Variants in MACF1 observed in about 807,000 individuals in gnomAD.
MACF1 encodes microtubule actin crosslinking factor 1, also known as microtubule-actin cross-linking factor 1.
MACF1 carries 193 observed loss-of-function variants against 854.8 expected under a neutral mutation model. That is an observed-to-expected ratio of 0.23 (90% CI 0.20 to 0.25). The LOEUF (loss-of-function observed/expected upper bound fraction) is 0.25. MACF1 is among the 10% of genes least tolerant of loss of function. MACF1 has a pLI of 1.00. For synonymous variants in MACF1, 3,185 were observed against 3,226.7 expected (o/e 0.99, Z 0.44); for missense variants, 7,722 against 8,929.1 (o/e 0.86, Z 5.45).
chr1:39,431,877 G>A (rs1038485803), intron 66 of MACF1, among the ~76,000 whole-genome samples: 8 of 152,098 alleles, frequency 5.3e-5, no homozygotes, highest in African/African-American at 1.9e-4. Flanking sequence ...TAGAGAGGCT[G>A]AGGTGAAAGG....
At chr1:39,482,447 A>G (rs1218887081) in intron 99 of MACF1, among the ~76,000 whole-genome samples, 1 of 152,222 alleles carries the variant, frequency 6.6e-6, no homozygotes, top group East Asian at 1.9e-4. Context: ...TACATAATTG[A>G]TTTCAAAGAA....
intron 2 of MACF1, among the ~76,000 whole-genome samples, chr1:39,179,322 C>T (rs1326279819): frequency 6.6e-6 from 1 of 152,182 alleles, no homozygotes; most frequent in Admixed American, 6.5e-5. Context: ...TCTGCATCTT[C>T]TGTTTCTGGA....
At chr1:39,389,223 G>A (rs1641928141) in intron 58 of MACF1, among the ~76,000 whole-genome samples, 1 of 151,662 alleles carries the variant, frequency 6.6e-6, no homozygotes, top group South Asian at 2.1e-4. Context: ...AACCAATTAA[G>A]GATATAGAAA....
At chr1:39,258,571 G>A (rs1008639204) in intron 6 of MACF1, among the ~76,000 whole-genome samples, 3 of 152,170 alleles carry the variant, frequency 2.0e-5, no homozygotes, top group African/African-American at 7.2e-5. Flanking sequence ...ATGGTCACAT[G>A]GCCTTCCTCT....
At chr1:39,366,560 C>A (rs1156285708) in intron 49 of MACF1, among the ~76,000 whole-genome samples, 1 of 151,882 alleles carries the variant, frequency 6.6e-6, no homozygotes, top group African/African-American at 2.4e-5. Context: ...TAAGATTGAG[C>A]CTTTTGTGTT....
intron 58 of MACF1, among the ~76,000 whole-genome samples, chr1:39,389,414 C>G (rs2148571688): frequency 8.1e-6 from 1 of 123,792 alleles, no homozygotes; most frequent in African/African-American, 3.1e-5. Context: ...GGTTGGAGTG[C>G]AGTGGGGCGA....
intron 6 of MACF1, among the ~76,000 whole-genome samples, chr1:39,277,894 G>A (rs901419618): frequency 5.3e-5 from 8 of 152,192 alleles, no homozygotes; most frequent in Non-Finnish European, 1.0e-4. Flanking sequence ...GTATAAGTAA[G>A]TGGTGTGTCT....
intron 1 of MACF1, among the ~76,000 whole-genome samples, chr1:39,220,197 A>T (rs541659758): frequency 6.6e-5 from 10 of 152,164 alleles, no homozygotes; most frequent in Admixed American, 3.3e-4. Flanking sequence ...TTTTTTTGAG[A>T]TGGAGTCTTG....
intron 72 of MACF1, among the ~76,000 whole-genome samples, chr1:39,440,205 CG>C (rs956029258): frequency 1.3e-5 from 2 of 148,508 alleles, no homozygotes; most frequent in African/African-American, 2.5e-5. Flanking sequence ...ATCCACCTCC[CG>C]GGCTCAAGCA....
Position 39,484,612 on chromosome 1 carries a change from A to G in MACF1, c.22293A>G (p.Ser7431=). The change falls in exon 100 of 101, where the codon TCA becomes TCG. Residue 7431 remains serine, a synonymous_variant. Transcript: ENST00000564288. The part of the protein sequence containing the change: ...LQLPTPEVIP[S]SGSKLKRPTP... ...TTATTTTTTTTAAGGTTATCCCATC[A>G]TCAGGTAGCAAGTTGAAACGACCAA... 6.2e-7 allele frequency: 1 copy of G among 1,613,586 alleles called. No individual in the cohort carries two copies.
chr1:39,172,967 C>A (rs72924813), intron 2 of MACF1, among the ~76,000 whole-genome samples: 169 of 152,332 alleles, frequency 1.1e-3, no homozygotes, highest in African/African-American at 4.0e-3. Context: ...CTTTTAATTT[C>A]TCTCTACCTT....
intron 2 of MACF1, among the ~76,000 whole-genome samples, chr1:39,234,310 C>T (rs979847119): frequency 1.3e-5 from 2 of 151,954 alleles, no homozygotes; most frequent in Admixed American, 1.3e-4. Flanking sequence ...TTGGGCACAC[C>T]TCCCAGACGG....
intron 74 of MACF1, 21 bp downstream of exon 74, chr1:39,441,346 C>T (rs927629570): frequency 3.6e-5 from 57 of 1,585,538 alleles, no homozygotes; most frequent in Non-Finnish European, 4.8e-5. Context: ...AGGAGGTGAC[C>T]ACCAAGGAAA....
At chr1:39,099,112 G>C (rs1027917937) in intron 2 of MACF1, among the ~76,000 whole-genome samples, 2 of 152,208 alleles carry the variant, frequency 1.3e-5, no homozygotes, top group Admixed American at 1.3e-4. Context: ...GAGGAATGGA[G>C]AGAATATGTG....
At chr1:39,169,778 T>C (rs867576929) in intron 2 of MACF1, among the ~76,000 whole-genome samples, 3,185 of 144,534 alleles carry the variant, frequency 0.022, 53 homozygotes, top group East Asian at 0.12. Context: ...TCTTTCTTTT[T>C]TTTTTTTTTT....
At chr1:39,411,317 C>G in intron 58 of MACF1, 1 of 1,613,984 alleles carries the variant, frequency 6.2e-7, no homozygotes, top group Non-Finnish European at 8.5e-7. Flanking sequence ...TTTCTGATGG[C>G]AGATGAGAAG....
intron 2 of MACF1, among the ~76,000 whole-genome samples, chr1:39,085,819 A>AC (rs1474077992): frequency 6.6e-6 from 1 of 151,720 alleles, no homozygotes; most frequent in African/African-American, 2.4e-5. Context: ...CACCACCTCT[A>AC]CCCCCAATCA....
chr1:39,474,523 C>G (rs1644838729), intron 97 of MACF1, among the ~76,000 whole-genome samples: 1 of 152,108 alleles, frequency 6.6e-6, no homozygotes, highest in Non-Finnish European at 1.5e-5. Flanking sequence ...TGGTGAAACC[C>G]TGTCTCTACT....
chr1:39,463,864 C>G lies in MACF1; in HGVS notation c.21753+178C>G, dbSNP rs149686928. On this transcript the variant is annotated intron_variant, in intron 94 of 100. Transcript: ENST00000564288. The stretch of plus-strand genomic sequence containing the variant: ...ACCCTGTTACATCTGAAAACTAGTC[C>G]CATATCTACCTAGATAGTAGTAGTT... The G allele has an allele frequency of 5.3e-3, 2,939 of 555,254 alleles. 22 individuals carry two copies. The highest frequency in any genetic ancestry group is 0.016 in the South Asian group (774 of 47,428). The allele number at this position is 555,254 out of a possible 1,614,324, so 34.4% of individuals were successfully genotyped here.
Sources: gnomAD v4.1 joint callset for allele counts (sites outside exome capture counted in the v4.1 genomes callset) on GRCh38, gnomAD v4.1.1 for gene constraint, MANE v1.5 for transcripts, NCBI Gene and HGNC (gene_info 2026-07-23, HGNC 2026-07-21) for gene names.